The following ACER3 variants were observed in gnomAD, a reference collection of about 807,000 sequenced individuals.
ACER3 encodes the protein alkCDase 3.
A neutral mutation model predicts 48.9 loss-of-function variants in ACER3; 16 were observed. That is an observed-to-expected ratio of 0.33 (90% confidence interval 0.22 to 0.50). The LOEUF (loss-of-function observed/expected upper bound fraction) is 0.50. Among genes scored for constraint, ACER3 ranks in the 20% least tolerant of loss-of-function variants. ACER3 has a pLI of 0.98. For synonymous variants in ACER3, 109 were observed against 107.8 expected (o/e 1.01, Z -0.07); for missense variants, 227 against 326.0 (o/e 0.70, Z 2.34).
intron 3 of ACER3, among the ~76,000 whole-genome samples, chr11:76,965,489 T>C (rs967239363): frequency 1.3e-5 from 2 of 150,934 alleles, no homozygotes; most frequent in Non-Finnish European, 2.9e-5. Context: ...GAGGAGCAAC[T>C]CCAAGACACA....
intron 1 of ACER3, among the ~76,000 whole-genome samples, chr11:76,910,263 A>G (rs1946343664): frequency 1.3e-5 from 2 of 152,196 alleles, no homozygotes; most frequent in Admixed American, 1.3e-4. Flanking sequence ...CCCAGTACAT[A>G]AAGTATAATA....
At chr11:77,002,380 G>T (rs914489654) in intron 7 of ACER3, among the ~76,000 whole-genome samples, 7 of 152,056 alleles carry the variant, frequency 4.6e-5, no homozygotes, top group African/African-American at 1.7e-4. Flanking sequence ...GTTTTATTCT[G>T]TAGTCTGTTA....
intron 1 of ACER3, among the ~76,000 whole-genome samples, chr11:76,903,487 A>G (rs1360457646): frequency 2.4e-5 from 1 of 41,908 alleles, no homozygotes; most frequent in Non-Finnish European, 4.6e-5. Flanking sequence ...CACACCTTTT[A>G]TGGCCAAGGG....
At chr11:76,989,197 A>G (rs1948747253) in intron 5 of ACER3, among the ~76,000 whole-genome samples, 1 of 151,836 alleles carries the variant, frequency 6.6e-6, no homozygotes, top group South Asian at 2.1e-4. Context: ...CAGATATACA[A>G]TATCTCATAC....
chr11:76,995,218 G>C (rs1948887789), intron 6 of ACER3, among the ~76,000 whole-genome samples: 1 of 152,156 alleles, frequency 6.6e-6, no homozygotes, highest in Non-Finnish European at 1.5e-5. Context: ...GTCACACTGA[G>C]TCTTGCTTTA....
At chr11:76,908,243 TG>T (rs1946284244) in intron 1 of ACER3, among the ~76,000 whole-genome samples, 2 of 152,178 alleles carry the variant, frequency 1.3e-5, no homozygotes, top group African/African-American at 4.8e-5. Context: ...CTTGATTGTA[TG>T]ATTGTATATT....
intron 1 of ACER3, among the ~76,000 whole-genome samples, chr11:76,911,617 A>G (rs1366938978): frequency 6.6e-6 from 1 of 152,122 alleles, no homozygotes; most frequent in Non-Finnish European, 1.5e-5. Context: ...CCTGGTTCAA[A>G]TGCCTCTGAC....
chr11:76,974,816 TA>T (rs531116363), intron 3 of ACER3, among the ~76,000 whole-genome samples: 6 of 151,258 alleles, frequency 4.0e-5, no homozygotes, highest in Admixed American at 1.3e-4. Context: ...AGTTATAGCT[TA>T]AAAAAAAACT....
chr11:76,908,778 T>G (rs373034016), intron 1 of ACER3, among the ~76,000 whole-genome samples: 3 of 152,088 alleles, frequency 2.0e-5, no homozygotes, highest in African/African-American at 7.2e-5. Flanking sequence ...AACTTTAAAT[T>G]TCATATGGAA....
chr11:76,964,005 C>T (rs1253401290), intron 3 of ACER3, among the ~76,000 whole-genome samples: 1 of 151,360 alleles, frequency 6.6e-6, no homozygotes, highest in Admixed American at 6.5e-5. Context: ...TGAGCCAAAG[C>T]AGGGCGAGGC....
intron 1 of ACER3, among the ~76,000 whole-genome samples, chr11:76,916,264 A>G (rs1367992757): frequency 1.3e-5 from 2 of 152,192 alleles, no homozygotes; most frequent in Non-Finnish European, 2.9e-5. Context: ...AATAATATCT[A>G]TTAGGTTTTA....
intron 1 of ACER3, among the ~76,000 whole-genome samples, chr11:76,861,969 G>C (rs1944952190): frequency 6.6e-6 from 1 of 152,142 alleles, no homozygotes; most frequent in Non-Finnish European, 1.5e-5. Context: ...TGTTTTCCTA[G>C]ACGATTTTTC....
At chr11:76,876,796 C>G (rs1160971802) in intron 1 of ACER3, among the ~76,000 whole-genome samples, 1 of 152,124 alleles carries the variant, frequency 6.6e-6, no homozygotes, top group East Asian at 1.9e-4. Context: ...CTTTCGTTTC[C>G]TTGCCCTACT....
intron 2 of ACER3, chr11:76,955,270 A>G (rs751491928): frequency 1.3e-5 from 2 of 152,248 alleles, no homozygotes; most frequent in East Asian, 1.9e-4. Flanking sequence ...TGAAATAAAA[A>G]CATATGTCCA....
At chr11:77,002,874 A>T (rs1307499452) in intron 7 of ACER3, among the ~76,000 whole-genome samples, 1 of 152,216 alleles carries the variant, frequency 6.6e-6, no homozygotes, top group African/African-American at 2.4e-5. Flanking sequence ...GTCCATTTAT[A>T]TGAGGTTCCT....
Position 77,024,017 on chromosome 11 carries a change from T to C in ACER3, c.*3690T>C, listed in dbSNP as rs1949509919. Reference sequence around the variant, plus strand: ...TGAACCTGGGAGGCAGAGCTTGCAGTGAGCCAAGATTGTGCCACTGCACTC... The same window carrying C: ...TGAACCTGGGAGGCAGAGCTTGCAGCGAGCCAAGATTGTGCCACTGCACTC... On this transcript the variant is annotated 3_prime_UTR_variant, in exon 11 of 11. Transcript: ENST00000532485. The C allele has an allele frequency of 7.9e-6, 1 of 127,148 alleles. No homozygotes were observed. Among genetic ancestry groups the C allele is most frequent in the Non-Finnish European group, 1.5e-5 (1 of 64,886 alleles). 7.9% of individuals were successfully genotyped at this position (127,148 alleles called of 1,614,324 possible). A position where few individuals can be genotyped will look rare whatever the true frequency, so the allele number is the denominator to read the frequency against.
intron 9 of ACER3, among the ~76,000 whole-genome samples, chr11:77,017,883 A>G (rs1344483074): frequency 2.6e-5 from 4 of 151,328 alleles, no homozygotes; most frequent in African/African-American, 7.3e-5. Context: ...AATTCTGACA[A>G]TATTTCAAAC....
chr11:76,869,677 TC>T (rs1945191184), intron 1 of ACER3, among the ~76,000 whole-genome samples: 1 of 80 alleles, frequency 0.013, no homozygotes, highest in Non-Finnish European at 0.026. Flanking sequence ...AACCACCTTT[TC>T]TACTTTTCTG....
chr11:76,928,077 A>T (rs929347729), intron 2 of ACER3, among the ~76,000 whole-genome samples: 1 of 152,130 alleles, frequency 6.6e-6, no homozygotes, highest in East Asian at 1.9e-4. Flanking sequence ...AGTCCCACCG[A>T]CAGTATAAAA....
Sources: allele counts gnomAD v4.1 joint callset (sites outside exome capture counted in the v4.1 genomes callset), GRCh38; gene constraint gnomAD v4.1.1; transcripts MANE v1.5; gene names NCBI Gene and HGNC (gene_info 2026-07-23, HGNC 2026-07-21).